The following KDM4C variants were observed in gnomAD, a reference collection of about 807,000 sequenced individuals.
The protein encoded by KDM4C is lysine-specific demethylase 4C.
A neutral mutation model predicts 129.3 loss-of-function variants in KDM4C; 81 were observed. The ratio of observed to expected loss-of-function variants is 0.63; its 90% confidence interval spans 0.52 to 0.75. The LOEUF (loss-of-function observed/expected upper bound fraction) is 0.75, where lower values mean the gene tolerates loss of function less well. KDM4C is among the 30% of genes least tolerant of loss of function. The pLI, the probability that KDM4C is intolerant of heterozygous loss-of-function variation, is 0.00. For synonymous variants in KDM4C, 573 were observed against 456.1 expected, an observed-to-expected ratio of 1.26 and a Z score of -3.26; for missense variants, 1,457 against 1,304.0, an observed-to-expected ratio of 1.12 and a Z score of -1.81.
At chr9:7,141,331 G>C (rs1018968901) in intron 19 of KDM4C, among the ~76,000 whole-genome samples, 16 of 151,970 alleles carry the variant, frequency 1.1e-4, no homozygotes, top group Non-Finnish European at 1.5e-5. Flanking sequence ...CAGACTATAA[G>C]AGACTATAAA....
intron 19 of KDM4C, among the ~76,000 whole-genome samples, chr9:7,131,165 C>T (rs7038268): frequency 0.54 from 81,791 of 151,814 alleles, 22,419 homozygotes; most frequent in Middle Eastern, 0.63. Context: ...TTGTGCTCCC[C>T]ACTGCAATAT....
intron 17 of KDM4C, among the ~76,000 whole-genome samples, chr9:7,081,943 G>T (rs549667109): frequency 4.6e-5 from 7 of 152,142 alleles, no homozygotes; most frequent in Non-Finnish European, 1.0e-4. Flanking sequence ...CAGAGAGCTA[G>T]TTGCCGGCTA....
upstream of KDM4C, among the ~76,000 whole-genome samples, chr9:6,756,575 G>C (rs7872677): frequency 0.021 from 3,267 of 152,294 alleles, 140 homozygotes; most frequent in African/African-American, 0.075. Flanking sequence ...AAATTAGCTG[G>C]GCGTGGTGGC....
chr9:6,961,953 C>T (rs1830122805), intron 8 of KDM4C, among the ~76,000 whole-genome samples: 1 of 152,134 alleles, frequency 6.6e-6, no homozygotes, highest in Admixed American at 6.5e-5. Context: ...TAGGGAATGC[C>T]TGCTGGCCTT....
chr9:6,800,371 C>T (rs373299239), intron 2 of KDM4C, among the ~76,000 whole-genome samples: 1 of 151,276 alleles, frequency 6.6e-6, no homozygotes, highest in Non-Finnish European at 1.5e-5. Context: ...TCTCAAAAAG[C>T]AAACAAACAA....
chr9:7,027,019 T>G (rs1385776989), intron 15 of KDM4C, among the ~76,000 whole-genome samples: 3 of 152,128 alleles, frequency 2.0e-5, no homozygotes, highest in African/African-American at 7.2e-5. Flanking sequence ...TTTCTTTGAG[T>G]TTACTCTGAG....
At chr9:7,043,020 G>C (rs1828851830) in intron 15 of KDM4C, among the ~76,000 whole-genome samples, 1 of 151,994 alleles carries the variant, frequency 6.6e-6, no homozygotes, top group African/African-American at 2.4e-5. Context: ...TAAATATCTA[G>C]TCATTTACAG....
chr9:7,015,729 T>G (rs1823537173), intron 14 of KDM4C, 124 bp from the exon 15 acceptor site: 19 of 609,008 alleles, frequency 3.1e-5, no homozygotes, highest in Middle Eastern at 6.4e-4. Context: ...TTTTGTTCTA[T>G]ACAGTGAGAA....
intron 18 of KDM4C, among the ~76,000 whole-genome samples, chr9:7,122,265 A>T (rs13290836): frequency 0.4 from 57,755 of 144,216 alleles, 11,922 homozygotes; most frequent in Middle Eastern, 0.54. Flanking sequence ...ACACACACAC[A>T]CTCTCTCTCT....
intron 2 of KDM4C, among the ~76,000 whole-genome samples, chr9:6,796,288 T>C (rs1208995662): frequency 1.3e-5 from 2 of 152,044 alleles, no homozygotes; most frequent in East Asian, 3.9e-4. Context: ...CTACCAAAAA[T>C]ACAAATTTTA....
intron 19 of KDM4C, among the ~76,000 whole-genome samples, chr9:7,156,128 G>A (rs1282495898): frequency 6.6e-6 from 1 of 152,144 alleles, no homozygotes; most frequent in Admixed American, 6.6e-5. Flanking sequence ...ATTTTTTCAT[G>A]TGTCTGTTGG....
intron 15 of KDM4C, among the ~76,000 whole-genome samples, chr9:7,045,646 G>C (rs1829283100): frequency 6.6e-6 from 1 of 151,910 alleles, no homozygotes; most frequent in South Asian, 2.1e-4. Flanking sequence ...TCCTTGAGCT[G>C]GGTTTATAAT....
chr9:7,092,911 T>C (rs1442542281), intron 17 of KDM4C, among the ~76,000 whole-genome samples: 1 of 152,060 alleles, frequency 6.6e-6, no homozygotes, highest in African/African-American at 2.4e-5. Flanking sequence ...CATTAAGAAA[T>C]AGAGGGAGAA....
chr9:6,883,621 T>A (rs1383715107), intron 6 of KDM4C, among the ~76,000 whole-genome samples: 2 of 152,124 alleles, frequency 1.3e-5, no homozygotes, highest in Non-Finnish European at 2.9e-5. Flanking sequence ...CATAATTCAT[T>A]TGTGAGTGAA....
At chr9:6,763,908 C>T (rs910410945) in intron 1 of KDM4C, among the ~76,000 whole-genome samples, 2 of 152,142 alleles carry the variant, frequency 1.3e-5, no homozygotes, top group Non-Finnish European at 2.9e-5. Context: ...CAGGCCTGCG[C>T]TACCACGCCC....
At chr9:6,956,036 G>C (rs1359350388) in intron 8 of KDM4C, among the ~76,000 whole-genome samples, 1 of 152,078 alleles carries the variant, frequency 6.6e-6, no homozygotes, top group Admixed American at 6.6e-5. Flanking sequence ...ACTTATTTAT[G>C]AGATCTAAAA....
At position 6,846,108 on chromosome 9, in the gene KDM4C, G is replaced by A. The variant is rs571009848; in HGVS notation, c.436-3399G>A. Among the ~76,000 whole-genome samples, 6 of 152,290 alleles carry A rather than the reference G, an allele frequency of 3.9e-5. No homozygotes were observed. In the East Asian group the frequency reaches 7.7e-4, roughly 20 times the overall value. ...GGTGGGAAGAATGCAGCAGCTTCAC[G>A]TGTTTGCTGCTCCTGAACCTCAGAT... On this transcript the variant is annotated intron_variant, in intron 4 of 21. Transcript: ENST00000381309.
chr9:6,896,441 A>G (rs1013481225), intron 8 of KDM4C, among the ~76,000 whole-genome samples: 9 of 151,674 alleles, frequency 5.9e-5, no homozygotes, highest in African/African-American at 1.9e-4. Flanking sequence ...CATACATTAT[A>G]TGTGCATATA....
chr9:6,721,044 G>A (rs765287902), intron 1 of KDM4C: 2 of 1,493,170 alleles, frequency 1.3e-6, no homozygotes, highest in South Asian at 2.4e-5. Context: ...TACATAGTTG[G>A]TGGTTCTGTC....
Sources: gnomAD v4.1 joint callset for allele counts (sites outside exome capture counted in the v4.1 genomes callset) on GRCh38, gnomAD v4.1.1 for gene constraint, MANE v1.5 for transcripts, NCBI Gene and HGNC (gene_info 2026-07-23, HGNC 2026-07-21) for gene names.